Variants in SLCO1A2 observed in about 807,000 individuals in gnomAD.
The protein encoded by SLCO1A2 is OATP-1.
In SLCO1A2, 67 loss-of-function variants were observed where a neutral mutation model predicts 69.0. The observed-to-expected ratio is 0.97, with a 90% CI of 0.80 to 1.19. The LOEUF is 1.19. Among genes scored for constraint, SLCO1A2 ranks in the 50% most tolerant of loss-of-function variants. The pLI is 0.00. For synonymous variants in SLCO1A2, 260 were observed against 265.9 expected (o/e 0.98, Z 0.22); for missense variants, 787 against 793.7 (o/e 0.99, Z 0.10).
At chr12:21,349,624 G>C (rs564190082) in intron 2 of SLCO1A2, among the ~76,000 whole-genome samples, 1 of 151,976 alleles carries the variant, frequency 6.6e-6, no homozygotes, top group South Asian at 2.1e-4. Flanking sequence ...ACCTTCCAAG[G>C]CCTTATGGGA....
At chr12:21,404,889 C>A (rs1369976705) in intron 1 of SLCO1A2, among the ~76,000 whole-genome samples, 1 of 152,216 alleles carries the variant, frequency 6.6e-6, no homozygotes, top group Non-Finnish European at 1.5e-5. Flanking sequence ...CACAACCTCT[C>A]CAGCATCTGT....
chr12:21,299,765 C>A (rs12303296), intron 8 of SLCO1A2, among the ~76,000 whole-genome samples: 1 of 133,554 alleles, frequency 7.5e-6, no homozygotes. Flanking sequence ...CATATATATA[C>A]GTGTGTATAT....
upstream of SLCO1A2, among the ~76,000 whole-genome samples, chr12:21,338,441 C>T (rs554331212): frequency 1.3e-5 from 2 of 151,952 alleles, no homozygotes; most frequent in African/African-American, 4.8e-5. Flanking sequence ...TTGGTTTAGC[C>T]ACAATCCCTC....
intron 2 of SLCO1A2, among the ~76,000 whole-genome samples, chr12:21,365,066 C>G (rs1271879111): frequency 2.0e-5 from 3 of 152,030 alleles, no homozygotes; most frequent in Non-Finnish European, 4.4e-5. Context: ...CATATGGAAC[C>G]AAAAAAGAGC....
chr12:21,382,131 G>C (rs1211553303), intron 1 of SLCO1A2, among the ~76,000 whole-genome samples: 1 of 152,178 alleles, frequency 6.6e-6, no homozygotes, highest in Admixed American at 6.5e-5. Flanking sequence ...TACCCACTAT[G>C]GGATACTACT....
upstream of SLCO1A2, among the ~76,000 whole-genome samples, chr12:21,396,297 T>C (rs1381007834): frequency 2.7e-4 from 39 of 147,086 alleles, no homozygotes; most frequent in African/African-American, 6.0e-4. Context: ...ATGAATGAAA[T>C]GAAGTGAGAA....
chr12:21,391,554 A>G (rs1941153362), intron 1 of SLCO1A2, among the ~76,000 whole-genome samples: 1 of 152,154 alleles, frequency 6.6e-6, no homozygotes, highest in African/African-American at 2.4e-5. Context: ...CCCAAGGAAT[A>G]TTTACATTTG....
chr12:21,370,896 A>G (rs1939736826), intron 2 of SLCO1A2, among the ~76,000 whole-genome samples: 1 of 152,110 alleles, frequency 6.6e-6, no homozygotes, highest in Non-Finnish European at 1.5e-5. Flanking sequence ...TTAGCCCTCA[A>G]GGGTTCTTGG....
chr12:21,414,134 C>T (rs1941954772), intron 1 of SLCO1A2, among the ~76,000 whole-genome samples: 1 of 152,116 alleles, frequency 6.6e-6, no homozygotes, highest in African/African-American at 2.4e-5. Flanking sequence ...AACCTTCCCC[C>T]TGTATCCAGC....
intron 12 of SLCO1A2, among the ~76,000 whole-genome samples, chr12:21,279,866 A>G (rs541671250): frequency 4.8e-4 from 73 of 152,360 alleles, no homozygotes; most frequent in African/African-American, 1.8e-3. Context: ...AGATGAACCA[A>G]TCAAAAATAT....
chr12:21,313,607 G>C (rs1362602487), intron 4 of SLCO1A2, among the ~76,000 whole-genome samples: 1 of 152,158 alleles, frequency 6.6e-6, no homozygotes, highest in Non-Finnish European at 1.5e-5. Flanking sequence ...AGCTACTCGG[G>C]AGGCTGAGGC....
At position 21,297,247 on chromosome 12, in the gene SLCO1A2, T is replaced by C. The variant is rs1445794764; in HGVS notation, c.1075+157A>G. Among the ~76,000 whole-genome samples, 379 of 151,824 alleles carry C rather than the reference T, an allele frequency of 2.5e-3. 2 individuals carry two copies. The highest frequency in any genetic ancestry group is 8.7e-3 in the African/African-American group (359 of 41,250). ...TTTCCTTCCTTCTTTCTTTCTTTCT[T>C]TCTCTTTCTTTCTTTCTTTCTTGAG... On this transcript the variant is annotated intron_variant, in intron 9 of 14. Coordinates refer to ENST00000683939, the MANE Select transcript of SLCO1A2 (RefSeq NM_001386879.1).
chr12:21,337,466 C>G (rs1044666671), upstream of SLCO1A2, among the ~76,000 whole-genome samples: 1 of 151,790 alleles, frequency 6.6e-6, no homozygotes, highest in Non-Finnish European at 1.5e-5. Flanking sequence ...AAATAAAGGC[C>G]TTACTTTACA....
chr12:21,301,045 T>C (rs1283679546), intron 7 of SLCO1A2, 126 bp downstream of exon 7: 7 of 513,162 alleles, frequency 1.4e-5, no homozygotes, highest in Non-Finnish European at 2.3e-5. Context: ...CACTAGAGTT[T>C]CTCACTTTTA....
upstream of SLCO1A2, among the ~76,000 whole-genome samples, chr12:21,336,687 C>T (rs1279494249): frequency 1.3e-5 from 2 of 151,944 alleles, no homozygotes; most frequent in Non-Finnish European, 2.9e-5. Flanking sequence ...TCCATAAAAT[C>T]CAACGGTTAA....
chr12:21,379,190 G>A (rs1050490180), intron 1 of SLCO1A2: 5 of 152,214 alleles, frequency 3.3e-5, no homozygotes. Flanking sequence ...ACAGAATGCT[G>A]TTTTAAAAAC....
In SLCO1A2 at chr12:21,282,970, G is replaced by T. The variant is rs1945084270; in HGVS notation, c.1611-7546C>A. Among the ~76,000 whole-genome samples, 3 of 152,134 alleles carry T rather than the reference G, an allele frequency of 2.0e-5. No homozygotes were observed. The South Asian group carries it at 6.2e-4, about 32-fold the overall frequency. On this transcript the variant is annotated intron_variant, in intron 12 of 14. Transcript: ENST00000683939. ...TATATTATATGCTCATAAATTGAAA[G>T]AAACAATATTGCTAAAACCAAACAA...
intron 9 of SLCO1A2, among the ~76,000 whole-genome samples, chr12:21,296,290 G>A (rs1447844234): frequency 6.6e-6 from 1 of 152,066 alleles, no homozygotes; most frequent in Non-Finnish European, 1.5e-5. Context: ...GCCCAGGCTG[G>A]AGTGCAGTGA....
chr12:21,294,516 T>G (rs1947409873), intron 10 of SLCO1A2: 1 of 152,912 alleles, frequency 6.5e-6, no homozygotes, highest in African/African-American at 2.4e-5. Flanking sequence ...AGATAATACA[T>G]TTAGCTCCAG....
Sources: allele counts gnomAD v4.1 joint callset (sites outside exome capture counted in the v4.1 genomes callset), GRCh38; gene constraint gnomAD v4.1.1; transcripts MANE v1.5; gene names NCBI Gene and HGNC (gene_info 2026-07-23, HGNC 2026-07-21).